CCDC60: variants seen among roughly 807,000 people sequenced by gnomAD.
CCDC60 encodes coiled-coil domain-containing protein 60.
Under a neutral mutation model 63.5 loss-of-function variants are expected in CCDC60, and 54 were observed. The ratio of observed to expected loss-of-function variants is 0.85; its 90% CI spans 0.68 to 1.07. The LOEUF is 1.07. Ranked by LOEUF, CCDC60 falls within the 50% of genes least tolerant of loss-of-function variation. The pLI, the probability that CCDC60 is intolerant of heterozygous loss-of-function variation, is 0.00. For synonymous variants in CCDC60, 206 were observed against 238.8 expected (o/e 0.86, Z 1.27); for missense variants, 651 against 684.3 (o/e 0.95, Z 0.54).
intron 1 of CCDC60, among the ~76,000 whole-genome samples, chr12:119,419,152 G>A (rs1956763411): frequency 6.6e-6 from 1 of 152,162 alleles, no homozygotes; most frequent in Admixed American, 6.5e-5. Flanking sequence ...CATGGTCTAG[G>A]GCTCCCCTGC....
intron 3 of CCDC60, 106 bp from the exon 4 acceptor site, chr12:119,478,988 T>G (rs910212249): frequency 5.2e-6 from 4 of 763,192 alleles, no homozygotes; most frequent in Admixed American, 2.0e-5. Context: ...GCCTGATACA[T>G]AGTAAGTGTC....
intron 3 of CCDC60, among the ~76,000 whole-genome samples, chr12:119,472,488 C>T (rs1951083681): frequency 6.6e-6 from 1 of 152,050 alleles, no homozygotes; most frequent in Admixed American, 6.6e-5. Context: ...AGTTTTAGTC[C>T]ACATCAGTAT....
intron 4 of CCDC60, among the ~76,000 whole-genome samples, chr12:119,487,353 A>G (rs368280565): frequency 1.3e-4 from 20 of 149,172 alleles, no homozygotes; most frequent in African/African-American, 5.0e-4. Flanking sequence ...GCTGGAGTGC[A>G]GTGGCATGAT....
rs967521979 is a variant in CCDC60, at chr12:119,348,498, G to T, written c.90+13232G>T. On this transcript the variant is annotated intron_variant, in intron 1 of 13. Transcript: ENST00000327554. The stretch of plus-strand genomic sequence containing the variant: ...CTGATTGAGTTAGCATCTGGGTCAC[G>T]GGCTCATTCTAGGTTTTGAGTCCCA... 2.6e-5 allele frequency among the ~76,000 whole-genome samples: 4 copies of T among 152,118 alleles called. No individual in the cohort carries two copies. In the East Asian group the frequency reaches 7.7e-4, roughly 29 times the overall value.
At chr12:119,523,961 A>C (rs957812575) in intron 11 of CCDC60, 143 bp downstream of exon 11, 4 of 773,580 alleles carry the variant, frequency 5.2e-6, no homozygotes, top group Non-Finnish European at 8.1e-6. Context: ...TCTTCTGGAA[A>C]ATATGGGCAG....
chr12:119,477,505 G>T (rs1951201336), intron 3 of CCDC60, among the ~76,000 whole-genome samples: 1 of 152,204 alleles, frequency 6.6e-6, no homozygotes, highest in African/African-American at 2.4e-5. Flanking sequence ...TTCGGAAGAG[G>T]AGAGGCTGCA....
intron 2 of CCDC60, among the ~76,000 whole-genome samples, chr12:119,437,618 G>A (rs111771619): frequency 5.6e-4 from 85 of 152,274 alleles, no homozygotes; most frequent in Middle Eastern, 3.4e-3. Flanking sequence ...AAAAATTATT[G>A]TTGATCTCAG....
At chr12:119,363,696 C>T (rs1955813998) in intron 1 of CCDC60, among the ~76,000 whole-genome samples, 1 of 152,192 alleles carries the variant, frequency 6.6e-6, no homozygotes, top group African/African-American at 2.4e-5. Context: ...CTGGGATTGA[C>T]TTCCTGCAGC....
At chr12:119,511,802 G>T (rs552787048) in intron 7 of CCDC60, among the ~76,000 whole-genome samples, 5 of 152,142 alleles carry the variant, frequency 3.3e-5, no homozygotes, top group Non-Finnish European at 5.9e-5. Flanking sequence ...ATGAGTTGGG[G>T]GTAGGAGTGG....
intron 1 of CCDC60, among the ~76,000 whole-genome samples, chr12:119,346,818 T>G (rs1955600540): frequency 7.4e-6 from 1 of 134,652 alleles, no homozygotes; most frequent in African/African-American, 2.6e-5. Context: ...CTTTCTTTCT[T>G]TCTTTCTTTC....
chr12:119,387,372 T>C (rs1956079459), intron 1 of CCDC60, among the ~76,000 whole-genome samples: 1 of 152,220 alleles, frequency 6.6e-6, no homozygotes, highest in Admixed American at 6.5e-5. Flanking sequence ...CATTCTAGTA[T>C]TTGCTAGATT....
intron 1 of CCDC60, among the ~76,000 whole-genome samples, chr12:119,418,382 C>CTTTGTTTTTTTTTTTTTT (rs1202154024): frequency 1.6e-5 from 1 of 60,726 alleles, no homozygotes. Flanking sequence ...CCTTTTCTTT[C>CTTTGTTTTTTTTTTTTTT]TTTCTTTTTT....
At position 119,456,524 on chromosome 12, in the gene CCDC60, C is replaced by A. The variant is rs920223342; in HGVS notation, c.171-15470C>A. Among the ~76,000 whole-genome samples the A allele has an allele frequency of 6.6e-6, 1 of 152,114 alleles. No homozygotes were observed. The highest frequency in any genetic ancestry group is 1.5e-5 in the Non-Finnish European group (1 of 68,020). On this transcript the variant is annotated intron_variant, in intron 2 of 13. Coordinates refer to ENST00000327554, the MANE Select transcript of CCDC60 (RefSeq NM_178499.5). This position sits in a 1 kb window ranked among gnomAD's most constrained non-coding sequence, Gnocchi z 4.6. ...GAAAGATGTTACATGAAAGGGGTCC[C>A]AATCCAGACCCCAAGAGAAGGTTCT...
intron 2 of CCDC60, among the ~76,000 whole-genome samples, chr12:119,442,942 T>C (rs1237551932): frequency 2.6e-5 from 4 of 152,244 alleles, no homozygotes; most frequent in Non-Finnish European, 4.4e-5. Context: ...GACGTGACTT[T>C]TTGCTCTTCT....
At chr12:119,493,836 T>TTTTTG (rs769682586) in intron 5 of CCDC60, among the ~76,000 whole-genome samples, 19 of 152,336 alleles carry the variant, frequency 1.2e-4, no homozygotes, top group South Asian at 4.1e-4. Flanking sequence ...CTGAGGGTTT[T>TTTTTG]TTTTGTTTTG....
chr12:119,466,830 A>G (rs528517535), intron 2 of CCDC60, among the ~76,000 whole-genome samples: 4 of 152,192 alleles, frequency 2.6e-5, no homozygotes, highest in Admixed American at 1.3e-4. Context: ...GTGTTGAGGT[A>G]GGAGGTGGGA....
At chr12:119,348,523 A>G (rs1387767524) in intron 1 of CCDC60, among the ~76,000 whole-genome samples, 1 of 152,168 alleles carries the variant, frequency 6.6e-6, no homozygotes, top group Non-Finnish European at 1.5e-5. Context: ...TTTGAGTCCC[A>G]ATTCTGATGC....
chr12:119,503,009 A>AAAT (rs1320307977), intron 6 of CCDC60, among the ~76,000 whole-genome samples: 2 of 152,052 alleles, frequency 1.3e-5, no homozygotes, highest in Non-Finnish European at 2.9e-5. Context: ...TCTCTACCAA[A>AAAT]AATAACAACA....
intron 1 of CCDC60, among the ~76,000 whole-genome samples, chr12:119,384,940 G>GA (rs906104357): frequency 6.6e-6 from 1 of 152,230 alleles, no homozygotes; most frequent in Non-Finnish European, 1.5e-5. Flanking sequence ...CATTGAGTGG[G>GA]GGGGCTGATA....
Sources: allele counts gnomAD v4.1 joint callset (sites outside exome capture counted in the v4.1 genomes callset), GRCh38; gene constraint gnomAD v4.1.1; non-coding constraint Gnocchi (gnomAD v3.1); transcripts MANE v1.5; gene names NCBI Gene and HGNC (gene_info 2026-07-23, HGNC 2026-07-21).